AGBL4: variants seen among roughly 807,000 people sequenced by gnomAD.
AGBL4 encodes the protein cytosolic carboxypeptidase 6.
In AGBL4, 58 loss-of-function variants were observed where a neutral mutation model predicts 66.4. The observed-to-expected ratio is 0.87, with a 90% CI of 0.71 to 1.09. The LOEUF (loss-of-function observed/expected upper bound fraction) is 1.09. Ranked by LOEUF, AGBL4 falls within the 50% of genes least tolerant of loss-of-function variation. The pLI is 0.00. For synonymous variants in AGBL4, 234 were observed against 222.9 expected (o/e 1.05, Z -0.44); for missense variants, 579 against 631.0 (o/e 0.92, Z 0.88).
chr1:48,762,004 C>T (rs1169853716), intron 6 of AGBL4, among the ~76,000 whole-genome samples: 1 of 152,082 alleles, frequency 6.6e-6, no homozygotes, highest in Non-Finnish European at 1.5e-5. Context: ...GTAAGGCAGA[C>T]GGGAGAAGAA....
intron 8 of AGBL4, among the ~76,000 whole-genome samples, chr1:48,640,361 T>C (rs1432228688): frequency 6.6e-6 from 1 of 152,202 alleles, no homozygotes; most frequent in Non-Finnish European, 1.5e-5. Flanking sequence ...TCCAACATTG[T>C]CTACTATAAA....
intron 2 of AGBL4, among the ~76,000 whole-genome samples, chr1:49,786,148 A>T (rs1026418418): frequency 5.3e-5 from 8 of 150,616 alleles, no homozygotes; most frequent in Non-Finnish European, 1.0e-4. Context: ...AATACCCCAA[A>T]TTCCATGATG....
chr1:49,394,068 G>C (rs1191830279), intron 3 of AGBL4, among the ~76,000 whole-genome samples: 1 of 151,778 alleles, frequency 6.6e-6, no homozygotes, highest in Admixed American at 6.6e-5. Flanking sequence ...CTGCTGACTG[G>C]TCTATTTCCC....
chr1:49,139,793 C>CT (rs1208670901), intron 4 of AGBL4, among the ~76,000 whole-genome samples: 2 of 152,026 alleles, frequency 1.3e-5, no homozygotes, highest in Admixed American at 6.6e-5. Flanking sequence ...TTTTAATATT[C>CT]TTTTTTATTG....
rs113172926 is a variant in AGBL4 at position 49,873,908 on chromosome 1, A to G, written c.35-22390T>C. ...AGTTGATTGTAAAATTTATATGGGAACTCAAAGGACCTAAAATAGCCAATA... is the reference window on the plus strand; with the variant it reads ...AGTTGATTGTAAAATTTATATGGGAGCTCAAAGGACCTAAAATAGCCAATA... On this transcript the variant is annotated intron_variant, in intron 1 of 13. Coordinates refer to ENST00000371839, the MANE Select transcript of AGBL4 (RefSeq NM_032785.4). 4.4e-3 allele frequency among the ~76,000 whole-genome samples: 667 copies of G among 152,204 alleles called. 9 individuals carry two copies. The highest frequency in any genetic ancestry group is 0.015 in the African/African-American group (626 of 41,548).
chr1:49,756,734 C>G (rs976852641), intron 2 of AGBL4, among the ~76,000 whole-genome samples: 2 of 152,202 alleles, frequency 1.3e-5, no homozygotes, highest in African/African-American at 4.8e-5. Flanking sequence ...GCTTTTCTCT[C>G]TTTGCTTGGC....
chr1:49,603,508 G>C (rs1483992682), intron 3 of AGBL4, among the ~76,000 whole-genome samples: 2 of 150,616 alleles, frequency 1.3e-5, no homozygotes, highest in African/African-American at 4.9e-5. Context: ...CTGGGCGACA[G>C]AGCGAGACTC....
intron 3 of AGBL4, among the ~76,000 whole-genome samples, chr1:49,482,116 G>T (rs1468948927): frequency 6.6e-6 from 1 of 151,876 alleles, no homozygotes; most frequent in Non-Finnish European, 1.5e-5. Flanking sequence ...CCAGGTTTTG[G>T]TATCAGGATG....
In AGBL4 at chr1:48,591,096, C is replaced by CA. The variant is rs1452411702; in HGVS notation, c.952-112_952-111insT. The CA allele has an allele frequency of 5.7e-4, 428 of 747,244 alleles. 4 individuals are homozygous for CA. The highest frequency in any genetic ancestry group is 8.1e-4 in the Non-Finnish European group (402 of 493,934). 46.3% of individuals were successfully genotyped at this position (747,244 alleles called of 1,614,324 possible). ...CCCCCACACACACCCACCCACCCCC[C>CA]CCCACACACACACACACATCAAGCT... is the stretch of plus-strand genomic sequence containing the variant. On this transcript the variant is annotated intron_variant, in intron 9 of 13. Coordinates refer to ENST00000371839, the MANE Select transcript of AGBL4 (RefSeq NM_032785.4).
At chr1:49,506,827 C>T (rs1648732714) in intron 3 of AGBL4, among the ~76,000 whole-genome samples, 1 of 152,014 alleles carries the variant, frequency 6.6e-6, no homozygotes, top group South Asian at 2.1e-4. Flanking sequence ...TCTATAAAAA[C>T]ATTTTTATTC....
chr1:48,586,831 G>C, intron 11 of AGBL4, 173 bp downstream of exon 11: 2 of 809,024 alleles, frequency 2.5e-6, no homozygotes, highest in East Asian at 5.4e-5. Flanking sequence ...ATCATACTAA[G>C]GGCTGAGGCA....
At chr1:49,222,149 C>G (rs1008044931) in intron 4 of AGBL4, among the ~76,000 whole-genome samples, 1 of 151,922 alleles carries the variant, frequency 6.6e-6, no homozygotes, top group Non-Finnish European at 1.5e-5. Flanking sequence ...ATAAGCAATC[C>G]CTGATACAAT....
chr1:48,855,878 A>AATATAG (rs1647138042), intron 6 of AGBL4, among the ~76,000 whole-genome samples: 4 of 152,168 alleles, frequency 2.6e-5, no homozygotes, highest in Non-Finnish European at 5.9e-5. Context: ...TAGGATAATA[A>AATATAG]ACCAAAATAT....
intron 3 of AGBL4, among the ~76,000 whole-genome samples, chr1:49,281,146 C>T (rs1644264317): frequency 6.6e-6 from 1 of 152,106 alleles, no homozygotes; most frequent in South Asian, 2.1e-4. Flanking sequence ...AAAAAAGACC[C>T]TAAAAGATCA....
At chr1:49,241,925 G>A (rs1378286309) in intron 4 of AGBL4, among the ~76,000 whole-genome samples, 1 of 151,872 alleles carries the variant, frequency 6.6e-6, no homozygotes, top group Non-Finnish European at 1.5e-5. Context: ...AGGTAGCATG[G>A]CTCATCATGT....
At chr1:49,596,172 C>T (rs1240481819) in intron 3 of AGBL4, among the ~76,000 whole-genome samples, 9 of 152,042 alleles carry the variant, frequency 5.9e-5, no homozygotes, top group Non-Finnish European at 1.2e-4. Context: ...ACATGGAGGT[C>T]CTTTGTTTGT....
intron 2 of AGBL4, among the ~76,000 whole-genome samples, chr1:49,821,051 C>T (rs185666729): frequency 6.6e-6 from 1 of 152,236 alleles, no homozygotes; most frequent in Admixed American, 6.5e-5. Flanking sequence ...ACTTTTCTTG[C>T]TGTTGTTATT....
chr1:49,943,193 G>C (rs1654922405), intron 1 of AGBL4, among the ~76,000 whole-genome samples: 1 of 152,094 alleles, frequency 6.6e-6, no homozygotes, highest in Non-Finnish European at 1.5e-5. Context: ...GTGAAGAAAA[G>C]GAAATCCTTG....
intron 3 of AGBL4, among the ~76,000 whole-genome samples, chr1:49,582,193 C>A (rs1466020790): frequency 6.6e-6 from 1 of 152,192 alleles, no homozygotes; most frequent in Admixed American, 6.5e-5. Context: ...TGGAAGTTGA[C>A]TGGGCAAACC....
Sources: gnomAD v4.1 joint callset for allele counts (sites outside exome capture counted in the v4.1 genomes callset) on GRCh38, gnomAD v4.1.1 for gene constraint, MANE v1.5 for transcripts, NCBI Gene and HGNC (gene_info 2026-07-23, HGNC 2026-07-21) for gene names.